NIPAL2: variants seen among roughly 807,000 people sequenced by gnomAD.
NIPAL2 encodes the protein NIPA-like protein 2.
Under a neutral mutation model 48.9 loss-of-function variants are expected in NIPAL2, and 43 were observed. The observed-to-expected ratio is 0.88, with a 90% CI of 0.69 to 1.13. The LOEUF is 1.13. Among genes scored for constraint, NIPAL2 ranks in the 50% most tolerant of loss-of-function variants. The pLI, the probability that NIPAL2 is intolerant of heterozygous loss-of-function variation, is 0.00. For synonymous variants in NIPAL2, 167 were observed against 174.6 expected (o/e 0.96, Z 0.34); for missense variants, 446 against 461.4 (o/e 0.97, Z 0.31).
chr8:98,274,401 A>T (rs1291794456), intron 1 of NIPAL2, among the ~76,000 whole-genome samples: 3 of 151,952 alleles, frequency 2.0e-5, no homozygotes, highest in East Asian at 3.8e-4. Flanking sequence ...ATATATTAAA[A>T]ATCTACCACA....
At chr8:98,211,585 T>C (rs1391123697) in intron 6 of NIPAL2, among the ~76,000 whole-genome samples, 1 of 152,222 alleles carries the variant, frequency 6.6e-6, no homozygotes, top group Non-Finnish European at 1.5e-5. Context: ...TTCCAAGTCA[T>C]GGCAAACAGC....
At chr8:98,193,802 CAA>C (rs34531935) in intron 10 of NIPAL2, among the ~76,000 whole-genome samples, 29 of 120,002 alleles carry the variant, frequency 2.4e-4, no homozygotes, top group Non-Finnish European at 2.6e-4. Context: ...GACTCCATCT[CAA>C]AAAAAAAAAA....
At chr8:98,215,795 C>T (rs902159665) in intron 5 of NIPAL2, among the ~76,000 whole-genome samples, 3 of 152,168 alleles carry the variant, frequency 2.0e-5, no homozygotes. Flanking sequence ...GGAAAAGTTC[C>T]TGGGCCTTGT....
intron 1 of NIPAL2, among the ~76,000 whole-genome samples, chr8:98,261,287 T>C (rs1439101589): frequency 4.2e-4 from 58 of 139,756 alleles, no homozygotes; most frequent in South Asian, 1.2e-3. Flanking sequence ...AGAATGACTT[T>C]GACGAGCTGA....
Position 98,192,724 on chromosome 8 carries a change from G to T in NIPAL2, c.*254C>A. ...CTAGAGCAGCCGGGCTCTGAGTAAGGTGTAGCTGGCTAGATAATCACTAGG... is the reference window on the plus strand; with the variant it reads ...CTAGAGCAGCCGGGCTCTGAGTAAGTTGTAGCTGGCTAGATAATCACTAGG... On this transcript the variant is annotated 3_prime_UTR_variant, in exon 11 of 11. Coordinates refer to ENST00000430223, the MANE Select transcript of NIPAL2 (RefSeq NM_001321635.2). The T allele has an allele frequency of 2.0e-6, 1 of 494,050 alleles. No individual in the cohort carries two copies. The highest frequency in any genetic ancestry group is 3.6e-6 in the Non-Finnish European group (1 of 275,560). The allele number at this position is 494,050 out of a possible 1,614,324, so 30.6% of individuals were successfully genotyped here. A position where few individuals can be genotyped will look rare whatever the true frequency, so the allele number is the denominator to read the frequency against.
intron 1 of NIPAL2, among the ~76,000 whole-genome samples, chr8:98,269,850 C>T (rs1352959063): frequency 6.6e-6 from 1 of 152,050 alleles, no homozygotes; most frequent in Admixed American, 6.6e-5. Context: ...CTCCCTCCTC[C>T]AGAGTTCCCA....
intron 8 of NIPAL2, among the ~76,000 whole-genome samples, chr8:98,198,652 A>T (rs1240023384): frequency 6.6e-6 from 1 of 152,216 alleles, no homozygotes; most frequent in Non-Finnish European, 1.5e-5. Context: ...TTGCTGCTTC[A>T]TCTTGTATTT....
intron 3 of NIPAL2, chr8:98,252,202 T>C (rs1813625277): frequency 5.2e-6 from 2 of 386,448 alleles, no homozygotes; most frequent in Non-Finnish European, 9.2e-6. Context: ...TAACATCTTC[T>C]GTCACCGTTA....
At chr8:98,271,043 C>T (rs1815092984) in intron 1 of NIPAL2, among the ~76,000 whole-genome samples, 1 of 152,072 alleles carries the variant, frequency 6.6e-6, no homozygotes, top group African/African-American at 2.4e-5. Flanking sequence ...CTATTATGTT[C>T]CATTGGTCTA....
chr8:98,230,173 CACTT>C (rs1374189286), intron 4 of NIPAL2, among the ~76,000 whole-genome samples: 1 of 152,178 alleles, frequency 6.6e-6, no homozygotes, highest in African/African-American at 2.4e-5. Context: ...TCAGGGCTGT[CACTT>C]ACATTGAAGT....
intron 1 of NIPAL2, among the ~76,000 whole-genome samples, chr8:98,260,426 G>A (rs974717225): frequency 3.9e-5 from 6 of 152,194 alleles, no homozygotes; most frequent in African/African-American, 9.7e-5. Context: ...TGCGCGCACC[G>A]TGTGCGAGCC....
intron 6 of NIPAL2, among the ~76,000 whole-genome samples, chr8:98,208,037 TC>T (rs544414194): frequency 3.0e-4 from 46 of 152,280 alleles, no homozygotes; most frequent in Admixed American, 1.6e-3. Flanking sequence ...AAAGGGGAAT[TC>T]CTGACTACAG....
At chr8:98,292,261 T>C (rs1272070978) in intron 1 of NIPAL2, among the ~76,000 whole-genome samples, 4 of 152,232 alleles carry the variant, frequency 2.6e-5, no homozygotes, top group Admixed American at 2.6e-4. Flanking sequence ...TTAGACTCAA[T>C]TTTATTTTTA....
intron 1 of NIPAL2, among the ~76,000 whole-genome samples, chr8:98,254,691 A>G (rs1051857794): frequency 5.9e-5 from 9 of 152,268 alleles, no homozygotes; most frequent in Non-Finnish European, 1.2e-4. Flanking sequence ...GCAGTCTACT[A>G]TATCAAACAA....
At chr8:98,220,114 GGAAAT>G (rs1349924402) in intron 5 of NIPAL2, among the ~76,000 whole-genome samples, 1 of 152,040 alleles carries the variant, frequency 6.6e-6, no homozygotes, top group Non-Finnish European at 1.5e-5. Flanking sequence ...AGGAAACAAA[GGAAAT>G]GAAAGTAAAA....
chr8:98,220,643 G>A (rs540824706), intron 5 of NIPAL2, among the ~76,000 whole-genome samples: 5 of 152,142 alleles, frequency 3.3e-5, no homozygotes, highest in South Asian at 2.1e-4. Context: ...TCCTGGGCTC[G>A]AGTGATTCTC....
intron 4 of NIPAL2, among the ~76,000 whole-genome samples, chr8:98,230,293 G>A (rs914799292): frequency 6.6e-6 from 1 of 152,134 alleles, no homozygotes; most frequent in Non-Finnish European, 1.5e-5. Context: ...AGAGGACCCT[G>A]GGGTCCTTGA....
intron 8 of NIPAL2, among the ~76,000 whole-genome samples, 158 bp from the exon 9 acceptor site, chr8:98,196,163 A>C (rs1438153911): frequency 2.0e-5 from 3 of 152,360 alleles, no homozygotes; most frequent in South Asian, 4.1e-4. Flanking sequence ...GAAAATTTGC[A>C]TGCCACACAT....
intron 1 of NIPAL2, among the ~76,000 whole-genome samples, chr8:98,291,330 C>T (rs1302024689): frequency 6.6e-6 from 1 of 152,142 alleles, no homozygotes; most frequent in Non-Finnish European, 1.5e-5. Flanking sequence ...CTTCTGGGTC[C>T]CTAAGCTTTT....
Sources: allele counts gnomAD v4.1 joint callset (sites outside exome capture counted in the v4.1 genomes callset), GRCh38; gene constraint gnomAD v4.1.1; transcripts MANE v1.5; gene names NCBI Gene and HGNC (gene_info 2026-07-23, HGNC 2026-07-21).